Variants in IL1RAPL1 observed in about 807,000 individuals in gnomAD.
The protein encoded by IL1RAPL1 is interleukin-1 receptor accessory protein-like 1.
IL1RAPL1 carries 3 observed loss-of-function variants against 48.4 expected under a neutral mutation model. The observed-to-expected ratio is 0.06, with a 90% CI of 0.03 to 0.16. The LOEUF (loss-of-function observed/expected upper bound fraction) is 0.16. IL1RAPL1 is among the 10% of genes least tolerant of loss of function. The pLI, the probability that IL1RAPL1 is intolerant of heterozygous loss-of-function variation, is 1.00. For missense variants in IL1RAPL1, 349 were observed against 530.6 expected (o/e 0.66, Z 3.36); for synonymous variants, 185 against 187.7 (o/e 0.99, Z 0.12).
chrX:29,946,337 A>ACC, intron 9 of IL1RAPL1, among the ~76,000 whole-genome samples: 2 of 112,012 alleles, frequency 1.8e-5, no homozygotes. Context: ...TAGCATTGCC[A>ACC]CCCCCATGGG....
intron 5 of IL1RAPL1, among the ~76,000 whole-genome samples, chrX:29,541,954 A>T (rs751863989): frequency 9.0e-6 from 1 of 111,435 alleles, no homozygotes; most frequent in East Asian, 2.8e-4. Flanking sequence ...ACATAAAATT[A>T]AAAAATAATT....
intron 2 of IL1RAPL1, among the ~76,000 whole-genome samples, chrX:28,996,286 C>T (rs762252503): frequency 5.4e-5 from 6 of 111,643 alleles, no homozygotes; most frequent in African/African-American, 9.7e-5. Context: ...TGGCATCTAT[C>T]GGTACTTCAT....
intron 2 of IL1RAPL1, among the ~76,000 whole-genome samples, chrX:28,996,161 G>A (rs1168230902): frequency 9.0e-6 from 1 of 111,114 alleles, no homozygotes; most frequent in South Asian, 3.8e-4. Flanking sequence ...TCGACTTTCT[G>A]TCTTTATGGA....
chrX:29,746,544 A>G (rs957944047), intron 6 of IL1RAPL1, among the ~76,000 whole-genome samples: 1 of 112,129 alleles, frequency 8.9e-6, no homozygotes, highest in African/African-American at 3.2e-5. Flanking sequence ...AAGATATTTG[A>G]TAACATATTG....
intron 6 of IL1RAPL1, among the ~76,000 whole-genome samples, chrX:29,894,955 T>C: frequency 9.2e-6 from 1 of 109,242 alleles, no homozygotes; most frequent in Non-Finnish European, 1.9e-5. Flanking sequence ...GCCTCCTGAG[T>C]AGCTAGGACT....
At chrX:29,042,493 G>A (rs761967223) in intron 2 of IL1RAPL1, among the ~76,000 whole-genome samples, 8 of 111,653 alleles carry the variant, frequency 7.2e-5, no homozygotes, top group Non-Finnish European at 1.5e-4. Context: ...CCTATTAGCA[G>A]ATTATCATAT....
intron 6 of IL1RAPL1, among the ~76,000 whole-genome samples, chrX:29,797,870 C>T (rs1335157113): frequency 1.8e-5 from 2 of 111,229 alleles, no homozygotes; most frequent in Non-Finnish European, 3.8e-5. Flanking sequence ...GAGACTCCAT[C>T]TCAAAAACAA....
In IL1RAPL1 at chrX:28,596,822, G is replaced by A. The variant is rs767976430; in HGVS notation, c.-25+8775G>A. On this transcript the variant is annotated intron_variant, in intron 1 of 10. Coordinates refer to ENST00000378993, the MANE Select transcript of IL1RAPL1 (RefSeq NM_014271.4). ...TTTTAAAAAATATTCCTGATCCATG[G>A]TTGCTTGGATCCACAGATATGGAAG... Among the ~76,000 whole-genome samples the A allele has an allele frequency of 4.8e-4, 53 of 110,314 alleles. 1 individual carries two copies. The highest frequency in any genetic ancestry group is 4.4e-3 in the Admixed American group (45 of 10,323).
intron 3 of IL1RAPL1, among the ~76,000 whole-genome samples, chrX:29,330,996 A>T (rs929902910): frequency 9.1e-6 from 1 of 110,171 alleles, no homozygotes; most frequent in Non-Finnish European, 1.9e-5. Context: ...GTGAAACCCC[A>T]TCTCTACTAA....
intron 5 of IL1RAPL1, among the ~76,000 whole-genome samples, chrX:29,494,008 C>T (rs1237788436): frequency 9.0e-6 from 1 of 111,257 alleles, no homozygotes. Context: ...GACTCCTCTG[C>T]CTCAGCCTCC....
intron 3 of IL1RAPL1, among the ~76,000 whole-genome samples, chrX:29,351,683 ACATTCTTTT>A (rs757138322): frequency 8.9e-4 from 100 of 112,324 alleles, no homozygotes; most frequent in African/African-American, 3.1e-3. Flanking sequence ...GATTTGCCGT[ACATTCTTTT>A]CATTCTTTGC....
Position 29,727,214 on chromosome X carries a change from A to T in IL1RAPL1, c.778+58710A>T, listed in dbSNP as rs751825982. Among the ~76,000 whole-genome samples the T allele has an allele frequency of 1.9e-4, 21 of 112,260 alleles. No homozygotes were observed. In the South Asian group the frequency reaches 7.8e-3, roughly 42 times the overall value. On this transcript the variant is annotated intron_variant, in intron 6 of 10. Transcript: ENST00000378993. ...CTCTGTTCACATTGAGGAAGAAAAT[A>T]AGCTTTAAAAAGTTTTACTCCTCCC...
At chrX:29,927,986 A>G (rs1401483301) in intron 8 of IL1RAPL1, among the ~76,000 whole-genome samples, 2 of 111,258 alleles carry the variant, frequency 1.8e-5, no homozygotes, top group East Asian at 2.8e-4. Flanking sequence ...AGCAACACAG[A>G]CTGGTTAAAA....
At chrX:28,883,157 C>T (rs1569192188) in intron 2 of IL1RAPL1, among the ~76,000 whole-genome samples, 1 of 111,680 alleles carries the variant, frequency 9.0e-6, no homozygotes, top group Non-Finnish European at 1.9e-5. Context: ...TGCCAGTTTC[C>T]TCACTGAATA....
chrX:29,108,753 T>G (rs1928499522), intron 2 of IL1RAPL1, among the ~76,000 whole-genome samples: 1 of 111,220 alleles, frequency 9.0e-6, no homozygotes. Flanking sequence ...TTTGAGTAAA[T>G]ACAAACATAC....
chrX:28,698,118 A>G (rs1390258793), intron 1 of IL1RAPL1, among the ~76,000 whole-genome samples: 1 of 111,696 alleles, frequency 9.0e-6, no homozygotes, highest in East Asian at 2.8e-4. Context: ...ATGAATATGA[A>G]TATGTAAATT....
chrX:29,063,009 G>C (rs1927374971), intron 2 of IL1RAPL1, among the ~76,000 whole-genome samples: 1 of 111,288 alleles, frequency 9.0e-6, no homozygotes, highest in Non-Finnish European at 1.9e-5. Context: ...GCTGTATGTA[G>C]ACTTAGTGTT....
intron 1 of IL1RAPL1, among the ~76,000 whole-genome samples, chrX:28,725,098 C>T (rs376860786): frequency 1.9e-5 from 1 of 52,777 alleles, no homozygotes; most frequent in Non-Finnish European, 3.1e-5. Flanking sequence ...ACTATAGGCG[C>T]CCGCACCACG....
chrX:29,373,867 ATTTTTT>A (rs59750110), intron 3 of IL1RAPL1, among the ~76,000 whole-genome samples: 2 of 21,658 alleles, frequency 9.2e-5, no homozygotes, highest in African/African-American at 2.1e-4. Context: ...TCTCTTTTTA[ATTTTTT>A]TTTTTTTTTT....
Sources: allele counts gnomAD v4.1 joint callset (sites outside exome capture counted in the v4.1 genomes callset), GRCh38; gene constraint gnomAD v4.1.1; transcripts MANE v1.5; gene names NCBI Gene and HGNC (gene_info 2026-07-23, HGNC 2026-07-21).